Variants in CHRM2 observed in about 807,000 individuals in gnomAD.
CHRM2 encodes cholinergic receptor muscarinic 2, also known as muscarinic acetylcholine receptor M2.
Under a neutral mutation model 25.0 loss-of-function variants are expected in CHRM2, and 8 were observed. That is an observed-to-expected ratio of 0.32 (90% confidence interval 0.19 to 0.58). The LOEUF (loss-of-function observed/expected upper bound fraction) is 0.58. CHRM2 is among the 20% of genes least tolerant of loss of function. The probability of loss-of-function intolerance (pLI) is 0.88; values close to 1 mark genes in which losing one functional copy is unlikely to be tolerated. For synonymous variants in CHRM2, 202 were observed against 205.7 expected (o/e 0.98, Z 0.15); for missense variants, 440 against 567.1 (o/e 0.78, Z 2.28).
intron 3 of CHRM2, among the ~76,000 whole-genome samples, chr7:137,004,830 C>T (rs1427091107): frequency 1.3e-5 from 2 of 152,070 alleles, no homozygotes; most frequent in African/African-American, 2.4e-5. Context: ...TTAATCTTCT[C>T]CCTGCTCTCA....
At chr7:137,014,167 T>C (rs1247260177) in intron 3 of CHRM2, among the ~76,000 whole-genome samples, 1 of 152,048 alleles carries the variant, frequency 6.6e-6, no homozygotes, top group African/African-American at 2.4e-5. Context: ...AGATATGGAA[T>C]ATTGGAAATG....
chr7:136,974,035 G>C (rs1245308980), intron 2 of CHRM2, among the ~76,000 whole-genome samples: 1 of 151,938 alleles, frequency 6.6e-6, no homozygotes, highest in Non-Finnish European at 1.5e-5. Flanking sequence ...TTTTTGCCTT[G>C]GCTGCGGTCT....
At chr7:136,901,754 C>T (rs1431913572) in intron 2 of CHRM2, 5 of 151,998 alleles carry the variant, frequency 3.3e-5, no homozygotes, top group Admixed American at 2.0e-4. Context: ...AGATTTACAG[C>T]TTACAAAGAA....
intron 2 of CHRM2, among the ~76,000 whole-genome samples, chr7:136,933,690 A>T (rs1055926309): frequency 6.6e-6 from 1 of 152,086 alleles, no homozygotes; most frequent in Non-Finnish European, 1.5e-5. Context: ...ACTGATGAAT[A>T]GATAAACAAA....
At position 136,898,485 on chromosome 7, in the gene CHRM2, G is replaced by T. The variant is rs1797022802; in HGVS notation, c.-125+29067G>T. Among the ~76,000 whole-genome samples, 3 of 148,870 alleles carry T rather than the reference G, an allele frequency of 2.0e-5. No individual in the cohort carries two copies. In the South Asian group the frequency reaches 6.4e-4, roughly 32 times the overall value. On this transcript the variant is annotated intron_variant, in intron 2 of 3. Transcript: ENST00000680005. ...AAGACTGTGAATTGACTATTCAATT[G>T]CATGCCTGTGTGTATGTGTGTTTGC...
At chr7:136,985,504 C>CAAAAAAAAAAA (rs974105875) in intron 2 of CHRM2, among the ~76,000 whole-genome samples, 18 of 59,750 alleles carry the variant, frequency 3.0e-4, no homozygotes, top group Non-Finnish European at 3.3e-4. Flanking sequence ...AGTTAGACTC[C>CAAAAAAAAAAA]AAAAAAAAAA....
At chr7:137,010,418 C>T (rs1450327073) in intron 3 of CHRM2, among the ~76,000 whole-genome samples, 1 of 152,076 alleles carries the variant, frequency 6.6e-6, no homozygotes, top group Non-Finnish European at 1.5e-5. Context: ...TGAAGGTCAT[C>T]TTCATTGTGT....
intron 3 of CHRM2, among the ~76,000 whole-genome samples, chr7:136,996,341 G>A (rs1012072527): frequency 6.6e-6 from 1 of 151,992 alleles, no homozygotes; most frequent in African/African-American, 2.4e-5. Context: ...ACATTTAAAT[G>A]TCAATTGTCA....
intron 2 of CHRM2, among the ~76,000 whole-genome samples, chr7:136,952,212 C>T (rs955215689): frequency 1.3e-4 from 20 of 152,122 alleles, no homozygotes; most frequent in African/African-American, 2.7e-4. Flanking sequence ...AATAATTATG[C>T]GTTTCTAATA....
At position 136,880,809 on chromosome 7, in the gene CHRM2, C is replaced by G. The variant is rs951309098; in HGVS notation, c.-125+11391C>G. 5.3e-5 allele frequency among the ~76,000 whole-genome samples: 8 copies of G among 151,830 alleles called. No homozygotes were observed. In the East Asian group the frequency reaches 1.4e-3, roughly 26 times the overall value. ...TTGACACATCAGTATCACCAGAGCC[C>G]ATAGTTTACATTAGGGTTCCTGCTT... On this transcript the variant is annotated intron_variant, in intron 2 of 3. Coordinates refer to ENST00000680005, the MANE Select transcript of CHRM2 (RefSeq NM_001006630.2).
At chr7:137,005,202 G>A (rs548898362) in intron 3 of CHRM2, among the ~76,000 whole-genome samples, 12 of 152,094 alleles carry the variant, frequency 7.9e-5, no homozygotes, top group South Asian at 2.1e-4. Context: ...GTTTTAAGAG[G>A]CGATGACTAA....
Position 136,962,665 on chromosome 7 carries a change from A to AG in CHRM2, c.-124-29522_-124-29521insG, listed in dbSNP as rs1471279968. On this transcript the variant is annotated intron_variant, in intron 2 of 3. Coordinates refer to ENST00000680005, the MANE Select transcript of CHRM2 (RefSeq NM_001006630.2). Reference sequence around the variant, plus strand: ...CATTTACTTGGCATCAGTTTAAAAAACAAAAACCCAGTACAAACTTGCAAG... The same window carrying AG: ...CATTTACTTGGCATCAGTTTAAAAAAGCAAAAACCCAGTACAAACTTGCAAG... Among the ~76,000 whole-genome samples, 7 of 152,336 alleles carry AG rather than the reference A, an allele frequency of 4.6e-5. No homozygotes were observed. In the South Asian group the frequency reaches 1.2e-3, roughly 27 times the overall value.
intron 2 of CHRM2, among the ~76,000 whole-genome samples, chr7:136,947,466 T>C (rs1037550619): frequency 6.6e-6 from 1 of 152,182 alleles, no homozygotes; most frequent in Non-Finnish European, 1.5e-5. Context: ...TGTAGACATG[T>C]AGTAAAGTAA....
intron 2 of CHRM2, among the ~76,000 whole-genome samples, chr7:136,910,223 T>A (rs1319530944): frequency 6.6e-6 from 1 of 151,972 alleles, no homozygotes; most frequent in East Asian, 1.9e-4. Context: ...TCCTGATATA[T>A]AAAGTGTTAT....
chr7:136,946,069 T>A (rs1336741346), intron 2 of CHRM2, among the ~76,000 whole-genome samples: 1 of 152,124 alleles, frequency 6.6e-6, no homozygotes, highest in Non-Finnish European at 1.5e-5. Flanking sequence ...TAAATTCACA[T>A]CATGAAAATC....
chr7:136,936,574 C>A (rs966248865), intron 2 of CHRM2, among the ~76,000 whole-genome samples: 9 of 151,640 alleles, frequency 5.9e-5, no homozygotes, highest in African/African-American at 2.2e-4. Context: ...TAAGATCCAA[C>A]TCCATGTTTG....
intron 2 of CHRM2, among the ~76,000 whole-genome samples, chr7:136,974,867 G>A (rs534816876): frequency 6.6e-6 from 1 of 152,304 alleles, no homozygotes; most frequent in African/African-American, 2.4e-5. Flanking sequence ...GAGACCTGTT[G>A]GGTGGCCTTT....
chr7:136,910,774 G>A (rs1797797930), intron 2 of CHRM2, among the ~76,000 whole-genome samples: 1 of 150,194 alleles, frequency 6.7e-6, no homozygotes, highest in Admixed American at 6.7e-5. Flanking sequence ...ATCATTCTTG[G>A]GGTTTGGTGT....
At chr7:136,969,557 T>C (rs1363187486) in intron 2 of CHRM2, among the ~76,000 whole-genome samples, 1 of 152,168 alleles carries the variant, frequency 6.6e-6, no homozygotes, top group African/African-American at 2.4e-5. Flanking sequence ...AAGTTCTGTG[T>C]TGTTTTGGCT....
Sources: allele counts gnomAD v4.1 joint callset (sites outside exome capture counted in the v4.1 genomes callset), GRCh38; gene constraint gnomAD v4.1.1; transcripts MANE v1.5; gene names NCBI Gene and HGNC (gene_info 2026-07-23, HGNC 2026-07-21).